Variants in IGF2BP3 observed in about 807,000 individuals in gnomAD.
The protein encoded by IGF2BP3 is insulin like growth factor 2 mRNA binding protein 3, also known as insulin-like growth factor 2 mRNA-binding protein 3.
A neutral mutation model predicts 73.8 loss-of-function variants in IGF2BP3; 9 were observed. The ratio of observed to expected loss-of-function variants is 0.12; its 90% CI spans 0.07 to 0.21. The LOEUF (loss-of-function observed/expected upper bound fraction) is 0.21. Ranked by LOEUF, IGF2BP3 falls within the 10% of genes least tolerant of loss-of-function variation. The pLI is 1.00. For missense variants in IGF2BP3, 542 were observed against 714.0 expected (o/e 0.76, Z 2.75); for synonymous variants, 258 against 256.7 (o/e 1.01, Z -0.05).
At chr7:23,418,738 C>T (rs985344880) in intron 3 of IGF2BP3, 38 bp downstream of exon 3, 7 of 1,345,402 alleles carry the variant, frequency 5.2e-6, no homozygotes, top group Admixed American at 1.9e-5. Context: ...AATAGGCTTC[C>T]ATACTTAGAT....
Position 23,311,814 on chromosome 7 carries a change from T to C in IGF2BP3, c.*548A>G, listed in dbSNP as rs1004260320. Reference sequence around the variant, plus strand: ...AATACCTGAGGTAGTTGAGTAAAAATGCACGTTTAATACCCCTGCCAACAC... The same window carrying C: ...AATACCTGAGGTAGTTGAGTAAAAACGCACGTTTAATACCCCTGCCAACAC... On this transcript the variant is annotated 3_prime_UTR_variant, in exon 15 of 15. Coordinates refer to ENST00000258729, the MANE Select transcript of IGF2BP3 (RefSeq NM_006547.3). 2.0e-5 allele frequency: 3 copies of C among 152,704 alleles called. No homozygotes were observed. The highest frequency in any genetic ancestry group is 2.9e-5 in the Non-Finnish European group (2 of 68,088). 9.5% of individuals were successfully genotyped at this position (152,704 alleles called of 1,614,324 possible). A position where few individuals can be genotyped will look rare whatever the true frequency, so the allele number is the denominator to read the frequency against.
chr7:23,435,944 A>G lies in IGF2BP3; in HGVS notation c.237-17120T>C, dbSNP rs186791579. The stretch of plus-strand genomic sequence containing the variant: ...GGCTAATACTGTATTTTTAGTAGAG[A>G]CGGGGTTTTACCATGTTGGCCAGGC... On this transcript the variant is annotated intron_variant, in intron 2 of 14. Coordinates refer to ENST00000258729, the MANE Select transcript of IGF2BP3 (RefSeq NM_006547.3). Among the ~76,000 whole-genome samples, 409 of 152,006 alleles carry G rather than the reference A, an allele frequency of 2.7e-3. 1 individual carries two copies. Among genetic ancestry groups the G allele is most frequent in the African/African-American group, 9.5e-3 (392 of 41,456 alleles).
intron 3 of IGF2BP3, among the ~76,000 whole-genome samples, chr7:23,372,953 T>C (rs1785604321): frequency 6.6e-6 from 1 of 152,172 alleles, no homozygotes; most frequent in Non-Finnish European, 1.5e-5. Context: ...GAGAAATGAT[T>C]CAAACTCCAG....
chr7:23,378,569 G>GTTTTTTTTTTTTTTTTTTTTTTT (rs1156868701), intron 3 of IGF2BP3, among the ~76,000 whole-genome samples: 1 of 65,884 alleles, frequency 1.5e-5, no homozygotes, highest in Non-Finnish European at 2.6e-5. Context: ...ATTTTTGCTT[G>GTTTTTTTTTTTTTTTTTTTTTTT]TTTTTTTTTT....
chr7:23,376,536 CAAA>C, intron 3 of IGF2BP3, among the ~76,000 whole-genome samples: 1 of 92,006 alleles, frequency 1.1e-5, no homozygotes, highest in African/African-American at 4.5e-5. Context: ...CTCCATCTCC[CAAA>C]GAAAAAAAAA....
At chr7:23,349,383 A>C (rs1008679587) in intron 6 of IGF2BP3, among the ~76,000 whole-genome samples, 1 of 152,258 alleles carries the variant, frequency 6.6e-6, no homozygotes, top group Non-Finnish European at 1.5e-5. Flanking sequence ...GAAACAAATT[A>C]AGGGCTACCT....
At chr7:23,409,039 A>C (rs1786935299) in intron 3 of IGF2BP3, among the ~76,000 whole-genome samples, 2 of 152,192 alleles carry the variant, frequency 1.3e-5, no homozygotes, top group Non-Finnish European at 2.9e-5. Flanking sequence ...GATTCTCCTA[A>C]GGAGTGAGCA....
rs543847057 is a variant in IGF2BP3, at chr7:23,385,274, T to C, written c.286-23533A>G. 2.0e-5 allele frequency among the ~76,000 whole-genome samples: 3 copies of C among 152,250 alleles called. No homozygotes were observed. In the South Asian group the frequency reaches 6.2e-4, roughly 32 times the overall value. ...CTGTACTACCATCTATGAAGTATTC[T>C]TGCTTAAAGAGAAAGAGGGGAAGTG... On this transcript the variant is annotated intron_variant, in intron 3 of 14. Transcript: ENST00000258729.
intron 10 of IGF2BP3, among the ~76,000 whole-genome samples, chr7:23,324,378 T>C (rs1784236452): frequency 6.6e-6 from 1 of 151,614 alleles, no homozygotes; most frequent in Admixed American, 6.6e-5. Flanking sequence ...CAGGAAGAAG[T>C]TGAATCTCTG....
intron 3 of IGF2BP3, among the ~76,000 whole-genome samples, chr7:23,388,322 A>C (rs1313179359): frequency 6.6e-6 from 1 of 152,228 alleles, no homozygotes; most frequent in Non-Finnish European, 1.5e-5. Context: ...ACCAGGAAGA[A>C]AAACTTTCTC....
chr7:23,363,978 C>T (rs1013349499), intron 3 of IGF2BP3, among the ~76,000 whole-genome samples: 6 of 152,260 alleles, frequency 3.9e-5, no homozygotes, highest in African/African-American at 1.4e-4. Flanking sequence ...GTGGCTCATG[C>T]CTGTAATCCC....
chr7:23,465,131 G>C (rs1043821326), intron 2 of IGF2BP3, among the ~76,000 whole-genome samples: 2 of 151,982 alleles, frequency 1.3e-5, no homozygotes, highest in African/African-American at 4.8e-5. Flanking sequence ...ATCACATAGG[G>C]GCACAAACAA....
At chr7:23,318,745 A>C (rs747853441) in intron 11 of IGF2BP3, among the ~76,000 whole-genome samples, 1 of 152,206 alleles carries the variant, frequency 6.6e-6, no homozygotes, top group Non-Finnish European at 1.5e-5. Context: ...GTAGCTAACA[A>C]GAAACCTCCC....
At chr7:23,421,046 G>A (rs1787330073) in intron 2 of IGF2BP3, among the ~76,000 whole-genome samples, 1 of 152,134 alleles carries the variant, frequency 6.6e-6, no homozygotes, top group Non-Finnish European at 1.5e-5. Context: ...GTCTCGCTCT[G>A]TCGCCTATGC....
intron 2 of IGF2BP3, among the ~76,000 whole-genome samples, chr7:23,434,525 T>A (rs1452767719): frequency 6.6e-6 from 1 of 152,244 alleles, no homozygotes; most frequent in Non-Finnish European, 1.5e-5. Context: ...AAACTCAGTA[T>A]GAGAATTCTC....
At chr7:23,392,989 G>T (rs984119124) in intron 3 of IGF2BP3, among the ~76,000 whole-genome samples, 5 of 152,098 alleles carry the variant, frequency 3.3e-5, no homozygotes, top group Non-Finnish European at 5.9e-5. Flanking sequence ...CTATAAGGTG[G>T]CCACTCATCA....
At chr7:23,463,824 T>G (rs1011282388) in intron 2 of IGF2BP3, among the ~76,000 whole-genome samples, 2 of 152,336 alleles carry the variant, frequency 1.3e-5, no homozygotes, top group East Asian at 3.9e-4. Flanking sequence ...TGAATTTGTT[T>G]TGAGAAAATA....
At chr7:23,329,472 G>C (rs1359621177) in intron 10 of IGF2BP3, among the ~76,000 whole-genome samples, 2 of 152,104 alleles carry the variant, frequency 1.3e-5, no homozygotes, top group East Asian at 1.9e-4. Flanking sequence ...CACGTTCTTA[G>C]AAGTAGAACT....
chr7:23,445,465 T>TTCCTACGGGTGTTTC (rs1788037197), intron 2 of IGF2BP3, among the ~76,000 whole-genome samples: 1 of 151,970 alleles, frequency 6.6e-6, no homozygotes, highest in Non-Finnish European at 1.5e-5. Flanking sequence ...TATTACTTAG[T>TTCCTACGGGTGTTTC]TCCTACGGGT....
Sources: allele counts gnomAD v4.1 joint callset (sites outside exome capture counted in the v4.1 genomes callset), GRCh38; gene constraint gnomAD v4.1.1; transcripts MANE v1.5; gene names NCBI Gene and HGNC (gene_info 2026-07-23, HGNC 2026-07-21).